Variants in RALA observed in about 807,000 individuals in gnomAD.
The protein encoded by RALA is RAS like proto-oncogene A, also known as ras-related protein Ral-A.
RALA carries 5 observed loss-of-function variants against 24.0 expected under a neutral mutation model. That is an observed-to-expected ratio of 0.21 (90% CI 0.11 to 0.44). The LOEUF (loss-of-function observed/expected upper bound fraction) is 0.44. Among genes scored for constraint, RALA ranks in the 20% least tolerant of loss-of-function variants. The probability of loss-of-function intolerance (pLI) is 0.99; values close to 1 mark genes in which losing one functional copy is unlikely to be tolerated. For missense variants in RALA, 95 were observed against 241.2 expected (o/e 0.39, Z 4.01); for synonymous variants, 77 against 83.8 (o/e 0.92, Z 0.44).
chr7:39,692,257 C>G (rs572938391), intron 3 of RALA, among the ~76,000 whole-genome samples: 3 of 152,332 alleles, frequency 2.0e-5, no homozygotes, highest in African/African-American at 7.2e-5. Flanking sequence ...GCTTCCTCGT[C>G]TATATATGCA....
chr7:39,677,495 A>C (rs1792507932), intron 1 of RALA, among the ~76,000 whole-genome samples: 1 of 100,944 alleles, frequency 9.9e-6, no homozygotes, highest in Non-Finnish European at 2.0e-5. Flanking sequence ...TGCTATTGTG[A>C]ATAATGCCGC....
In RALA at chr7:39,699,121, A is replaced by ATTT. The variant is rs71560137; in HGVS notation, c.498+2290_498+2292dup. Among the ~76,000 whole-genome samples, 590 of 61,380 alleles carry ATTT rather than the reference A, an allele frequency of 9.6e-3. 103 individuals carry two copies. Among genetic ancestry groups the ATTT allele is most frequent in the Non-Finnish European group, 0.012 (363 of 29,592 alleles). The allele number at this position is 61,380 out of a possible 152,430, so 40.3% of individuals were successfully genotyped here. A position where few individuals can be genotyped will look rare whatever the true frequency, so the allele number is the denominator to read the frequency against. ...CAGCAATTTAAGTGCTAAAAATGTT[A>ATTT]TTTTTTTTTTTTTTTTTTTTTTTTT... On this transcript the variant is annotated intron_variant, in intron 4 of 4. Transcript: ENST00000005257.
chr7:39,687,716 C>G (rs905252498), intron 2 of RALA, among the ~76,000 whole-genome samples: 1 of 152,162 alleles, frequency 6.6e-6, no homozygotes, highest in Non-Finnish European at 1.5e-5. Context: ...TTTCTCCCAA[C>G]AAAAGCCAGG....
chr7:39,706,316 CTTAA>C lies in RALA; in HGVS notation c.*74_*77del, dbSNP rs1365663661. The C allele has an allele frequency of 1.4e-6, 2 of 1,443,994 alleles. No homozygotes were observed. Among genetic ancestry groups the C allele is most frequent in the Non-Finnish European group, 1.9e-6 (2 of 1,073,534 alleles). 89.4% of individuals were successfully genotyped at this position (1,443,994 alleles called of 1,614,324 possible). ...AATTTATAAGCATTGCCATTGAAGG[CTTAA>C]TTGACTGAAATTACTTTAACATTTT... On this transcript the variant is annotated 3_prime_UTR_variant, in exon 5 of 5. Transcript: ENST00000005257.
intron 1 of RALA, among the ~76,000 whole-genome samples, chr7:39,632,280 A>G (rs1791610037): frequency 6.6e-6 from 1 of 152,172 alleles, no homozygotes; most frequent in Non-Finnish European, 1.5e-5. Context: ...ATCTGTAAAT[A>G]GTTTTTTTTC....
intron 1 of RALA, among the ~76,000 whole-genome samples, chr7:39,684,222 G>T (rs1398949151): frequency 6.6e-6 from 1 of 152,182 alleles, no homozygotes; most frequent in Non-Finnish European, 1.5e-5. Context: ...CTCTTAGCCT[G>T]TAAGTGTAAA....
chr7:39,659,250 C>G (rs1329095233), intron 1 of RALA, among the ~76,000 whole-genome samples: 1 of 151,892 alleles, frequency 6.6e-6, no homozygotes, highest in East Asian at 1.9e-4. Context: ...CACCACTACC[C>G]CTCAGCCTGG....
chr7:39,696,156 C>G (rs1310515837), intron 3 of RALA, among the ~76,000 whole-genome samples: 1 of 152,160 alleles, frequency 6.6e-6, no homozygotes, highest in Non-Finnish European at 1.5e-5. Flanking sequence ...AATGCAAAAT[C>G]TATGCTCAAG....
At chr7:39,644,763 A>G (rs1202521829) in intron 1 of RALA, among the ~76,000 whole-genome samples, 4 of 152,182 alleles carry the variant, frequency 2.6e-5, no homozygotes, top group African/African-American at 9.7e-5. Flanking sequence ...TCTTCAACCA[A>G]AAAAGATTAG....
At chr7:39,668,588 C>G (rs946768074) in intron 1 of RALA, among the ~76,000 whole-genome samples, 2 of 151,528 alleles carry the variant, frequency 1.3e-5, no homozygotes, top group Non-Finnish European at 2.9e-5. Flanking sequence ...CACCTGAGAT[C>G]GGGAGTTGAG....
At chr7:39,680,613 C>G (rs192927671) in intron 1 of RALA, among the ~76,000 whole-genome samples, 50 of 151,166 alleles carry the variant, frequency 3.3e-4, no homozygotes, top group South Asian at 1.0e-3. Context: ...TCAGTTCTTT[C>G]ATATTTTTTT....
chr7:39,705,777 TTA>T (rs1457211708), intron 4 of RALA, among the ~76,000 whole-genome samples: 2 of 151,798 alleles, frequency 1.3e-5, no homozygotes, highest in African/African-American at 4.8e-5. Context: ...CATTTATTGA[TTA>T]TAAACTACTT....
Position 39,706,158 on chromosome 7 carries a change from A to C in RALA, c.534A>C (p.Arg178Ser). 1 of 1,608,618 alleles carries C rather than the reference A, an allele frequency of 6.2e-7. No homozygotes were observed. The highest frequency in any genetic ancestry group is 1.1e-5 in the South Asian group (1 of 90,038). ...ATTTAATGAGAGAAATTCGAGCGAGAAAGATGGAAGACAGCAAAGAAAAGA... is the reference window on the plus strand; with the variant it reads ...ATTTAATGAGAGAAATTCGAGCGAGCAAGATGGAAGACAGCAAAGAAAAGA... Reference protein sequence around the residue: ...FFDLMREIRARKMEDSKEKNG... With the variant: ...FFDLMREIRASKMEDSKEKNG... The change falls in exon 5 of 5, where the codon AGA (arginine) becomes AGC (serine). Residue 178 changes from arginine to serine, a missense_variant. Coordinates refer to ENST00000005257, the MANE Select transcript of RALA (RefSeq NM_005402.4).
At chr7:39,684,839 A>G (rs1266704746) in intron 1 of RALA, among the ~76,000 whole-genome samples, 3 of 152,306 alleles carry the variant, frequency 2.0e-5, no homozygotes, top group East Asian at 3.9e-4. Context: ...GGCTTAAAGC[A>G]TTTCTCAGGG....
intron 1 of RALA, among the ~76,000 whole-genome samples, chr7:39,666,071 T>C (rs1458654898): frequency 6.6e-6 from 1 of 152,230 alleles, no homozygotes; most frequent in East Asian, 1.9e-4. Flanking sequence ...GTTTTTGTCC[T>C]ATCCAGTTAT....
Position 39,686,651 on chromosome 7 carries a change from G to A in RALA, c.-17G>A. ...CTTAGATTCTTCTTAATCCTTTGGT[G>A]AAAACTGAGACACAAAATGGCTGCA... On this transcript the variant is annotated 5_prime_UTR_variant, in exon 2 of 5. Coordinates refer to ENST00000005257, the MANE Select transcript of RALA (RefSeq NM_005402.4). The A allele has an allele frequency of 6.3e-7, 1 of 1,585,302 alleles. No individual in the cohort carries two copies.
Position 39,653,053 on chromosome 7 carries a change from G to A in RALA, c.-38+29228G>A, listed in dbSNP as rs146908672. ...TATTATTATTATTATTTTTTGAGAC[G>A]GAGTCTCACTCTGTTGCCCAGGCTG... On this transcript the variant is annotated intron_variant, in intron 1 of 4. Transcript: ENST00000005257. Among the ~76,000 whole-genome samples, 372 of 145,680 alleles carry A rather than the reference G, an allele frequency of 2.6e-3. 2 individuals carry two copies. Among genetic ancestry groups the A allele is most frequent in the African/African-American group, 9.1e-3 (357 of 39,060 alleles).
Position 39,696,791 on chromosome 7 carries a change from A to G in RALA, c.430A>G (p.Asn144Asp). 1 of 1,614,028 alleles carries G rather than the reference A, an allele frequency of 6.2e-7. No individual in the cohort carries two copies. The highest frequency in any genetic ancestry group is 8.5e-7 in the Non-Finnish European group (1 of 1,179,916). Residue 144 changes from asparagine to aspartate, a missense_variant, in exon 4 of 5, where the codon AAC becomes GAC. By Grantham distance (23) the Asn-to-Asp change is conservative. Coordinates refer to ENST00000005257, the MANE Select transcript of RALA (RefSeq NM_005402.4). ...KRQVSVEEAK[N>D]RAEQWNVNYV... The stretch of plus-strand genomic sequence containing the variant: ...ACAGGTTTCTGTAGAAGAGGCAAAA[A>G]ACAGAGCTGAGCAGTGGAATGTTAA...
intron 3 of RALA, among the ~76,000 whole-genome samples, chr7:39,694,926 G>A (rs376962054): frequency 7.2e-5 from 11 of 151,904 alleles, no homozygotes; most frequent in African/African-American, 2.2e-4. Context: ...GTGGTGGCGC[G>A]TGCCTATAGT....
Sources: gnomAD v4.1 joint callset for allele counts (sites outside exome capture counted in the v4.1 genomes callset) on GRCh38, gnomAD v4.1.1 for gene constraint, MANE v1.5 for transcripts, NCBI Gene and HGNC (gene_info 2026-07-23, HGNC 2026-07-21) for gene names.